The following XG variants were observed in gnomAD, a reference collection of about 807,000 sequenced individuals.
XG encodes the protein glycoprotein Xg.
A neutral mutation model predicts 25.7 loss-of-function variants in XG; 24 were observed. The ratio of observed to expected loss-of-function variants is 0.93; its 90% CI spans 0.68 to 1.31. The LOEUF is 1.31. Among genes scored for constraint, XG ranks in the 40% most tolerant of loss-of-function variants. The pLI is 0.00. For synonymous variants in XG, 77 were observed against 69.2 expected, an observed-to-expected ratio of 1.11 and a Z score of -0.56; for missense variants, 181 against 187.6, an observed-to-expected ratio of 0.96 and a Z score of 0.21.
At chrX:2,770,262 C>G (rs2050787657) in intron 1 of XG, among the ~76,000 whole-genome samples, 1 of 151,832 alleles carries the variant, frequency 6.6e-6, no homozygotes, top group East Asian at 1.9e-4. Flanking sequence ...ATTTGCAGAA[C>G]AGACAATTCA....
intron 4 of XG, among the ~76,000 whole-genome samples, chrX:2,785,791 C>T (rs1208512516): frequency 9.0e-6 from 1 of 111,358 alleles, no homozygotes; most frequent in Admixed American, 9.6e-5. Flanking sequence ...ATCTTGAGAA[C>T]GAGGAAGAGC....
chrX:2,799,885 C>A (rs1202014582), intron 7 of XG, among the ~76,000 whole-genome samples: 1 of 111,796 alleles, frequency 8.9e-6, no homozygotes, highest in African/African-American at 3.3e-5. Context: ...TAAATGAGAA[C>A]ACATGGTATT....
At chrX:2,755,584 T>A (rs1195347239) in intron 1 of XG, among the ~76,000 whole-genome samples, 1 of 152,046 alleles carries the variant, frequency 6.6e-6, no homozygotes, top group Non-Finnish European at 1.5e-5. Context: ...GCCCAGTAGG[T>A]TTCAGCCTTC....
rs189108404 is a variant in XG at position 2,773,476 on chromosome X, A to G, written c.104-1240A>G. On this transcript the variant is annotated intron_variant, in intron 2 of 10. Transcript: ENST00000644266. The stretch of plus-strand genomic sequence containing the variant: ...GAAGGAAAGAAGAAGGGGGAAAAGG[A>G]GAGAGGGAAGGAAGGAAGGAAGGAG... Among the ~76,000 whole-genome samples the G allele has an allele frequency of 1.9e-3, 283 of 145,882 alleles. 1 individual carries two copies. Among genetic ancestry groups the G allele is most frequent in the Non-Finnish European group, 3.1e-3 (209 of 66,388 alleles).
intron 1 of XG, among the ~76,000 whole-genome samples, chrX:2,757,793 A>C (rs2050466517): frequency 6.6e-6 from 1 of 151,374 alleles, no homozygotes; most frequent in African/African-American, 2.4e-5. Context: ...CCAACATGGC[A>C]GAACGCTGTT....
At chrX:2,768,501 C>T (rs1309119955) in intron 1 of XG, among the ~76,000 whole-genome samples, 1 of 152,198 alleles carries the variant, frequency 6.6e-6, no homozygotes, top group African/African-American at 2.4e-5. Flanking sequence ...GGTGCGGTGG[C>T]TCACGCCTGT....
At chrX:2,777,424 A>C (rs187783620) in intron 3 of XG, among the ~76,000 whole-genome samples, 85 of 152,092 alleles carry the variant, frequency 5.6e-4, no homozygotes, top group African/African-American at 1.9e-3. Flanking sequence ...AAAAATGAAG[A>C]GTAAAATTAA....
At chrX:2,779,646 AT>A (rs930791957) in intron 3 of XG, among the ~76,000 whole-genome samples, 25 of 151,950 alleles carry the variant, frequency 1.6e-4, no homozygotes, top group African/African-American at 5.3e-4. Context: ...GTTCCTGTAT[AT>A]TTTTATTTAT....
chrX:2,794,360 G>A (rs1404440892), intron 5 of XG, among the ~76,000 whole-genome samples, 175 bp from the exon 6 acceptor site: 1 of 112,471 alleles, frequency 8.9e-6, no homozygotes, highest in African/African-American at 3.2e-5. Flanking sequence ...TTGCAGGCAA[G>A]GCGGCCAGCC....
At chrX:2,805,108 C>A (rs1480422490) in intron 7 of XG, among the ~76,000 whole-genome samples, 1 of 112,326 alleles carries the variant, frequency 8.9e-6, no homozygotes, top group Non-Finnish European at 1.9e-5. Flanking sequence ...AGTCACGCGG[C>A]TTCTCCCCGA....
intron 1 of XG, among the ~76,000 whole-genome samples, chrX:2,762,220 C>T (rs116356071): frequency 6.7e-4 from 102 of 151,998 alleles, no homozygotes; most frequent in African/African-American, 2.1e-3. Context: ...TCCTCTTCGA[C>T]GACAAAATAC....
intron 6 of XG, among the ~76,000 whole-genome samples, chrX:2,794,857 C>T (rs919164027): frequency 2.6e-4 from 29 of 112,215 alleles, no homozygotes; most frequent in Non-Finnish European, 3.6e-4. Context: ...GGAGGGTCCA[C>T]TGAAACACTT....
intron 3 of XG, chrX:2,774,978 T>G (rs1214967389): frequency 1.7e-6 from 1 of 576,412 alleles, no homozygotes; most frequent in Admixed American, 3.0e-5. Context: ...AAATAACAAG[T>G]GTTGGCAAGG....
intron 1 of XG, among the ~76,000 whole-genome samples, chrX:2,766,316 T>G (rs1332293461): frequency 2.0e-5 from 3 of 152,044 alleles, no homozygotes; most frequent in African/African-American, 7.2e-5. Flanking sequence ...AAGTTTTGTA[T>G]TTTTAGTAGA....
intron 3 of XG, among the ~76,000 whole-genome samples, chrX:2,775,516 T>C (rs748572548): frequency 6.6e-6 from 1 of 152,242 alleles, no homozygotes; most frequent in African/African-American, 2.4e-5. Context: ...AGGTTTCTTT[T>C]TGGGGGAACG....
chrX:2,770,530 G>T lies in XG; in HGVS notation c.62-20G>T. On this transcript the variant is annotated intron_variant, in intron 1 of 10. Transcript: ENST00000644266. ...GCCTTTCCATCATGGGGTGACTTAT[G>T]CCCTGTTTGCTCCCAATAGGTCAAA... 6.2e-7 allele frequency: 1 copy of T among 1,613,880 alleles called. No individual in the cohort carries two copies. The highest frequency in any genetic ancestry group is 8.5e-7 in the Non-Finnish European group (1 of 1,179,834).
intron 1 of XG, among the ~76,000 whole-genome samples, chrX:2,757,979 A>T (rs1479891245): frequency 4.7e-5 from 3 of 64,382 alleles, no homozygotes; most frequent in African/African-American, 1.9e-4. Flanking sequence ...CTCAAAAAAA[A>T]AAAAAAAAAA....
At chrX:2,770,459 G>A in intron 1 of XG, 91 bp from the exon 2 acceptor site, 1 of 1,502,840 alleles carries the variant, frequency 6.7e-7, no homozygotes, top group East Asian at 2.3e-5. Flanking sequence ...CCCTAGGCTT[G>A]CAGGAGGAGG....
intron 6 of XG, among the ~76,000 whole-genome samples, chrX:2,796,854 C>G (rs2086890793): frequency 8.9e-6 from 1 of 112,088 alleles, no homozygotes; most frequent in African/African-American, 3.2e-5. Flanking sequence ...ATAAAGAGCG[C>G]TGTCTTAGGA....
Sources: allele counts gnomAD v4.1 joint callset (sites outside exome capture counted in the v4.1 genomes callset), GRCh38; gene constraint gnomAD v4.1.1; transcripts MANE v1.5; gene names NCBI Gene and HGNC (gene_info 2026-07-23, HGNC 2026-07-21).